EML5: variants seen among roughly 807,000 people sequenced by gnomAD.
EML5 encodes the protein echinoderm microtubule-associated protein-like 5.
Under a neutral mutation model 250.0 loss-of-function variants are expected in EML5, and 120 were observed. The observed-to-expected ratio is 0.48, with a 90% CI of 0.41 to 0.56. The LOEUF is 0.56. Ranked by LOEUF, EML5 falls within the 20% of genes least tolerant of loss-of-function variation. EML5 has a pLI of 0.00. For synonymous variants in EML5, 771 were observed against 806.5 expected, an observed-to-expected ratio of 0.96 and a Z score of 0.75; for missense variants, 2,006 against 2,437.6, an observed-to-expected ratio of 0.82 and a Z score of 3.73.
intron 10 of EML5, among the ~76,000 whole-genome samples, chr14:88,707,018 TA>T (rs997033946): frequency 6.6e-6 from 1 of 152,050 alleles, no homozygotes; most frequent in African/African-American, 2.4e-5. Context: ...TCCAGATATT[TA>T]AAAAAAATCT....
At chr14:88,618,164 G>T in intron 41 of EML5, 64 bp downstream of exon 41, 1 of 1,404,206 alleles carries the variant, frequency 7.1e-7, no homozygotes. Context: ...TAACAGTTCA[G>T]AAATAGGATT....
chr14:88,703,030 A>T (rs1223728023), intron 13 of EML5, among the ~76,000 whole-genome samples: 1 of 152,122 alleles, frequency 6.6e-6, no homozygotes, highest in Non-Finnish European at 1.5e-5. Context: ...TACAGGTGTA[A>T]GCCACCATGC....
chr14:88,642,290 T>C (rs548760979), intron 31 of EML5, among the ~76,000 whole-genome samples: 1 of 152,308 alleles, frequency 6.6e-6, no homozygotes, highest in Admixed American at 6.5e-5. Flanking sequence ...CATTATCACA[T>C]TGTTCATGAA....
At chr14:88,720,624 C>T (rs960821001) in intron 8 of EML5, among the ~76,000 whole-genome samples, 7 of 151,956 alleles carry the variant, frequency 4.6e-5, no homozygotes, top group African/African-American at 1.7e-4. Flanking sequence ...GAAGGAACAT[C>T]CCCCAAAATA....
At chr14:88,691,450 T>G (rs540431193) in intron 17 of EML5, among the ~76,000 whole-genome samples, 1 of 152,190 alleles carries the variant, frequency 6.6e-6, no homozygotes, top group Admixed American at 6.5e-5. Context: ...GTTCAGAGCA[T>G]TGACAGCTGG....
chr14:88,640,251 C>T (rs1311909752), intron 31 of EML5, among the ~76,000 whole-genome samples: 3 of 152,158 alleles, frequency 2.0e-5, no homozygotes, highest in Admixed American at 6.5e-5. Flanking sequence ...ATAGAATATA[C>T]ATTCTTCTCA....
chr14:88,618,524 A>C (rs2088165161), intron 40 of EML5, 126 bp downstream of exon 40: 1 of 1,220,844 alleles, frequency 8.2e-7, no homozygotes. Flanking sequence ...GCTGTAGGTC[A>C]GAAGGTACAA....
intron 38 of EML5, 71 bp downstream of exon 38, chr14:88,621,042 T>C: frequency 6.6e-7 from 1 of 1,506,136 alleles, no homozygotes; most frequent in South Asian, 1.3e-5. Flanking sequence ...CTTTAAGTAC[T>C]AGCAATTTAG....
intron 39 of EML5, chr14:88,619,580 C>T (rs1053904476): frequency 6.6e-6 from 1 of 152,168 alleles, no homozygotes; most frequent in African/African-American, 2.4e-5. Flanking sequence ...AGTTTTCTTC[C>T]ATCTGGAAAA....
intron 21 of EML5, among the ~76,000 whole-genome samples, chr14:88,673,431 G>T (rs1314221391): frequency 6.6e-6 from 1 of 152,158 alleles, no homozygotes; most frequent in Non-Finnish European, 1.5e-5. Context: ...TACTGAATGG[G>T]CAGAAGCTGG....
At chr14:88,737,886 T>C (rs1335576169) in intron 6 of EML5, among the ~76,000 whole-genome samples, 1 of 152,218 alleles carries the variant, frequency 6.6e-6, no homozygotes, top group Non-Finnish European at 1.5e-5. Flanking sequence ...AATTGTATTC[T>C]TTTCCTTTTA....
rs576432253 is a variant in EML5, at chr14:88,665,739, A to G, written c.3125-250T>C. 1.2e-3 allele frequency among the ~76,000 whole-genome samples: 177 copies of G among 152,174 alleles called. 1 individual carries two copies. The highest frequency in any genetic ancestry group is 4.1e-3 in the African/African-American group (171 of 41,532). On this transcript the variant is annotated intron_variant, in intron 21 of 43. Coordinates refer to ENST00000554922, the MANE Select transcript of EML5 (RefSeq NM_183387.3). ...GGGAAGAGAGAAGAGGGAAGGGAAGACAGGTAAGTAAGTAAATAAATAGAC... is the reference window on the plus strand; with the variant it reads ...GGGAAGAGAGAAGAGGGAAGGGAAGGCAGGTAAGTAAGTAAATAAATAGAC...
At position 88,612,812 on chromosome 14, in the gene EML5, T is replaced by C. The variant is rs1300818770; in HGVS notation, c.*3006A>G. The C allele has an allele frequency of 6.6e-6, 1 of 152,544 alleles. No individual in the cohort carries two copies. Among genetic ancestry groups the C allele is most frequent in the Non-Finnish European group, 1.5e-5 (1 of 68,016 alleles). 9.4% of individuals were successfully genotyped at this position (152,544 alleles called of 1,614,324 possible). On this transcript the variant is annotated 3_prime_UTR_variant, in exon 44 of 44. Coordinates refer to ENST00000554922, the MANE Select transcript of EML5 (RefSeq NM_183387.3). Reference sequence around the variant, plus strand: ...TTTTTTTGTGTGTGGTTTTTAAAACTGTTAAGGCAAGAAGTGTCAAATGCT... The same window carrying C: ...TTTTTTTGTGTGTGGTTTTTAAAACCGTTAAGGCAAGAAGTGTCAAATGCT...
chr14:88,780,724 C>T (rs766229562), intron 1 of EML5, among the ~76,000 whole-genome samples: 7 of 152,116 alleles, frequency 4.6e-5, no homozygotes, highest in Admixed American at 6.5e-5. Flanking sequence ...TACAGGCGCG[C>T]GCCATCATGC....
At position 88,624,961 on chromosome 14, in the gene EML5, A is replaced by T; in HGVS notation, c.4898+9T>A. 6.2e-7 allele frequency: 1 copy of T among 1,612,046 alleles called. No homozygotes were observed. Among genetic ancestry groups the T allele is most frequent in the Non-Finnish European group, 8.5e-7 (1 of 1,179,136 alleles). The stretch of plus-strand genomic sequence containing the variant: ...GCATAAATATTCTGTGAAAAGAAAG[A>T]GGACTCACGGCCTTTCCTTTCCCCC... On this transcript the variant is annotated intron_variant, in intron 36 of 43. Coordinates refer to ENST00000554922, the MANE Select transcript of EML5 (RefSeq NM_183387.3).
intron 2 of EML5, among the ~76,000 whole-genome samples, chr14:88,751,325 G>C (rs1470110186): frequency 1.3e-5 from 2 of 152,176 alleles, no homozygotes; most frequent in Non-Finnish European, 2.9e-5. Context: ...AATTGGAAGA[G>C]AGAGTCAGAG....
At chr14:88,654,279 C>T (rs1367157924) in intron 27 of EML5, among the ~76,000 whole-genome samples, 1 of 152,148 alleles carries the variant, frequency 6.6e-6, no homozygotes, top group Non-Finnish European at 1.5e-5. Context: ...GTCTCTCTCT[C>T]CTTCAGTTGT....
chr14:88,660,620 G>A (rs1324884591), intron 25 of EML5, among the ~76,000 whole-genome samples: 1 of 152,058 alleles, frequency 6.6e-6, no homozygotes, highest in Non-Finnish European at 1.5e-5. Flanking sequence ...GTGCGCGCCT[G>A]TAATCCCAGC....
chr14:88,647,441 A>G (rs922423152), intron 28 of EML5, among the ~76,000 whole-genome samples: 3 of 152,104 alleles, frequency 2.0e-5, no homozygotes, highest in Non-Finnish European at 4.4e-5. Context: ...TCACACCTGT[A>G]ATCCTAGCAC....
Sources: allele counts gnomAD v4.1 joint callset (sites outside exome capture counted in the v4.1 genomes callset), GRCh38; gene constraint gnomAD v4.1.1; transcripts MANE v1.5; gene names NCBI Gene and HGNC (gene_info 2026-07-23, HGNC 2026-07-21).